Variants in LIPA observed in about 807,000 individuals in gnomAD.
The protein encoded by LIPA is lysosomal acid lipase/cholesteryl ester hydrolase.
In LIPA, 26 loss-of-function variants were observed where a neutral mutation model predicts 40.6. The observed-to-expected ratio is 0.64, with a 90% CI of 0.47 to 0.89. LIPA has a LOEUF of 0.89. LIPA is among the 40% of genes least tolerant of loss of function. The pLI, the probability that LIPA is intolerant of heterozygous loss-of-function variation, is 0.00. For missense variants in LIPA, 455 were observed against 479.6 expected (o/e 0.95, Z 0.48); for synonymous variants, 188 against 168.4 (o/e 1.12, Z -0.90).
chr10:89,239,592 C>T (rs1842942548), intron 3 of LIPA, among the ~76,000 whole-genome samples: 1 of 151,876 alleles, frequency 6.6e-6, no homozygotes, highest in South Asian at 2.1e-4. Flanking sequence ...CCCTGCATCA[C>T]AGAGCAGGGA....
At chr10:89,382,254 T>A (rs1844168962) in intron 2 of LIPA, among the ~76,000 whole-genome samples, 1 of 152,182 alleles carries the variant, frequency 6.6e-6, no homozygotes, top group Admixed American at 6.5e-5. Flanking sequence ...CTCTCTGAAA[T>A]CATTCCTTGG....
intron 2 of LIPA, among the ~76,000 whole-genome samples, chr10:89,362,084 TG>T (rs1455524534): frequency 6.6e-6 from 1 of 151,800 alleles, no homozygotes; most frequent in Non-Finnish European, 1.5e-5. Flanking sequence ...TTGCATTTTT[TG>T]TAGAGCTAGA....
chr10:89,247,574 T>G lies in LIPA; in HGVS notation c.75A>C (p.Lys25Asn), dbSNP rs1170179246. 1 of 1,613,012 alleles carries G rather than the reference T, an allele frequency of 6.2e-7. No homozygotes were observed. The highest frequency in any genetic ancestry group is 1.1e-5 in the South Asian group (1 of 91,060). ...WTLHSEGSGG[K>N]LTAVDPETNM... ...TTGTTTCAGGATCCACAGCTGTCAG[T>G]TTCCCTCCAGACCCCTCAGAATGCA... Residue 25 changes from lysine (K) to asparagine (N), a missense_variant, in exon 2 of 10, where the codon AAA becomes AAC. Coordinates refer to ENST00000336233, the MANE Select transcript of LIPA (RefSeq NM_000235.4).
intron 2 of LIPA, among the ~76,000 whole-genome samples, chr10:89,366,119 T>C (rs1844055258): frequency 6.6e-6 from 1 of 152,226 alleles, no homozygotes; most frequent in Non-Finnish European, 1.5e-5. Flanking sequence ...TGTCCTCTTT[T>C]ATTTCGTTGA....
chr10:89,226,915 T>A lies in LIPA; in HGVS notation c.518A>T (p.His173Leu). 6.3e-7 allele frequency: 1 copy of A among 1,596,456 alleles called. No individual in the cohort carries two copies. Among genetic ancestry groups the A allele is most frequent in the South Asian group, 1.1e-5 (1 of 90,688 alleles). ...CATACCTATAGTGGTGCCTTGAGAATGACCCACATAATACACTTGTTCTTG... is the reference window on the plus strand; with the variant it reads ...CATACCTATAGTGGTGCCTTGAGAAAGACCCACATAATACACTTGTTCTTG... ...TGQEQVYYVG[H>L]SQGTTIGFIA... Residue 173 changes from histidine (H) to leucine (L), a missense_variant, in exon 5 of 10, where the codon CAT becomes CTT. Physicochemically the swap from His to Leu is moderately conservative, Grantham distance 99. Transcript: ENST00000336233.
In LIPA at chr10:89,308,903, C is replaced by A. The variant is rs139223496; in HGVS notation, c.-2+33708G>T. 5.9e-5 allele frequency: 9 copies of A among 152,174 alleles called. No homozygotes were observed. In the South Asian group the frequency reaches 1.0e-3, roughly 18 times the overall value. The allele number at this position is 152,174 out of a possible 1,614,324, so 9.4% of individuals were successfully genotyped here. A position where few individuals can be genotyped will look rare whatever the true frequency, so the allele number is the denominator to read the frequency against. On this transcript the variant is annotated intron_variant, in intron 1 of 5. Coordinates refer to the LIPA transcript ENST00000282673. ...GTCATATATTTTCATTAATAAATAA[C>A]CTAAATATGATAAAACATAAAGCAG...
At chr10:89,306,389 A>T (rs140575157) in intron 1 of LIPA, 16 of 1,614,164 alleles carry the variant, frequency 9.9e-6, no homozygotes, top group African/African-American at 1.3e-5. Flanking sequence ...GGAAGGGTGG[A>T]CACGGTTAAA....
At chr10:89,248,451 T>A (rs1360487552) in intron 1 of LIPA, among the ~76,000 whole-genome samples, 2 of 34,908 alleles carry the variant, frequency 5.7e-5, no homozygotes, top group East Asian at 5.5e-4. Flanking sequence ...TATATTTATT[T>A]ATTTATTTAT....
At chr10:89,231,883 A>T (rs947749217) in intron 3 of LIPA, among the ~76,000 whole-genome samples, 3 of 152,220 alleles carry the variant, frequency 2.0e-5, no homozygotes, top group Non-Finnish European at 4.4e-5. Flanking sequence ...GGGCTGCTTT[A>T]TGTGCTCATC....
At chr10:89,301,882 GAA>G (rs1219963585) in intron 1 of LIPA, 2 of 414,050 alleles carry the variant, frequency 4.8e-6, no homozygotes, top group Non-Finnish European at 4.4e-6. Flanking sequence ...AGCTCCGGAG[GAA>G]AAAGAGTCCT....
intron 2 of LIPA, among the ~76,000 whole-genome samples, chr10:89,382,109 T>A (rs1022399862): frequency 1.3e-5 from 2 of 152,168 alleles, no homozygotes; most frequent in Non-Finnish European, 2.9e-5. Flanking sequence ...AAAAGAATGT[T>A]TCATCATCCA....
chr10:89,295,637 T>C (rs1378623239), intron 1 of LIPA, among the ~76,000 whole-genome samples: 1 of 152,174 alleles, frequency 6.6e-6, no homozygotes, highest in Non-Finnish European at 1.5e-5. Context: ...ATACCATCTG[T>C]AGTTGATGTA....
intron 2 of LIPA, among the ~76,000 whole-genome samples, chr10:89,368,397 A>C (rs1483388366): frequency 3.3e-5 from 5 of 152,212 alleles, no homozygotes; most frequent in African/African-American, 1.2e-4. Context: ...CAAACAGATC[A>C]GAATACCAGA....
intron 1 of LIPA, among the ~76,000 whole-genome samples, chr10:89,321,545 G>T (rs117638769): frequency 1.3e-5 from 2 of 152,178 alleles, no homozygotes; most frequent in African/African-American, 4.8e-5. Context: ...CGTTAGAATG[G>T]CCATCATTAA....
At chr10:89,244,038 G>C (rs1449301769) in intron 3 of LIPA, among the ~76,000 whole-genome samples, 2 of 152,126 alleles carry the variant, frequency 1.3e-5, no homozygotes, top group African/African-American at 4.8e-5. Context: ...TAAAATATAT[G>C]TTTTGAGTGT....
At chr10:89,406,961 C>T (rs539057570) in intron 2 of LIPA, among the ~76,000 whole-genome samples, 3 of 152,272 alleles carry the variant, frequency 2.0e-5, no homozygotes, top group African/African-American at 7.2e-5. Flanking sequence ...ATACTGGGCA[C>T]CTGTCGACCA....
chr10:89,323,013 C>T (rs1024379557), intron 1 of LIPA, among the ~76,000 whole-genome samples: 3 of 152,168 alleles, frequency 2.0e-5, no homozygotes, highest in African/African-American at 7.2e-5. Context: ...AGGTAGGCAA[C>T]CCCACCTACC....
intron 1 of LIPA, among the ~76,000 whole-genome samples, chr10:89,335,082 C>T (rs1221200476): frequency 6.6e-6 from 1 of 152,094 alleles, no homozygotes; most frequent in Non-Finnish European, 1.5e-5. Context: ...ATATATTTTG[C>T]TCCAAATTTT....
chr10:89,306,975 T>C (rs1327691171), intron 1 of LIPA: 2 of 1,613,988 alleles, frequency 1.2e-6, no homozygotes, highest in African/African-American at 1.3e-5. Flanking sequence ...TGTTCCATTC[T>C]TGCCAGCCTC....
Sources: allele counts gnomAD v4.1 joint callset (sites outside exome capture counted in the v4.1 genomes callset), GRCh38; gene constraint gnomAD v4.1.1; transcripts MANE v1.5; gene names NCBI Gene and HGNC (gene_info 2026-07-23, HGNC 2026-07-21).